The following NCKAP5 variants were observed in gnomAD, a reference collection of about 807,000 sequenced individuals.
The protein encoded by NCKAP5 is NCK associated protein 5.
A neutral mutation model predicts 167.0 loss-of-function variants in NCKAP5; 92 were observed. That is an observed-to-expected ratio of 0.55 (90% confidence interval 0.47 to 0.66). The LOEUF (loss-of-function observed/expected upper bound fraction) is 0.66, where lower values mean the gene tolerates loss of function less well. Ranked by LOEUF, NCKAP5 falls within the 30% of genes least tolerant of loss-of-function variation. The pLI, the probability that NCKAP5 is intolerant of heterozygous loss-of-function variation, is 0.00. For synonymous variants in NCKAP5, 891 were observed against 877.4 expected (o/e 1.02, Z -0.27); for missense variants, 2,378 against 2,315.0 (o/e 1.03, Z -0.56).
At chr2:133,535,270 A>G (rs547655516) in intron 2 of NCKAP5, among the ~76,000 whole-genome samples, 25 of 148,440 alleles carry the variant, frequency 1.7e-4, no homozygotes, top group Non-Finnish European at 1.5e-4. Context: ...TAATTTTTCA[A>G]CCCTCACCTT....
the NCKAP5 span, among the ~76,000 whole-genome samples, chr2:133,584,412 C>T: frequency 6.6e-6 from 1 of 152,150 alleles, no homozygotes; most frequent in Non-Finnish European, 1.5e-5. Flanking sequence ...CAAATCAGGG[C>T]ACATTTGTAT....
intron 3 of NCKAP5, among the ~76,000 whole-genome samples, chr2:133,452,412 A>T (rs931703905): frequency 6.6e-6 from 1 of 152,200 alleles, no homozygotes; most frequent in African/African-American, 2.4e-5. Context: ...CCAAGAAGGA[A>T]ATCCACTGAT....
At chr2:133,132,951 T>C (rs533810528) in intron 5 of NCKAP5, among the ~76,000 whole-genome samples, 44 of 152,238 alleles carry the variant, frequency 2.9e-4, no homozygotes, top group African/African-American at 1.0e-3. Flanking sequence ...GCTGGGATTA[T>C]AGGCGTTAGC....
At chr2:133,035,288 G>A (rs1309286743) in intron 6 of NCKAP5, among the ~76,000 whole-genome samples, 4 of 151,930 alleles carry the variant, frequency 2.6e-5, no homozygotes, top group African/African-American at 9.7e-5. Context: ...GCTAAAGAGA[G>A]GAATAGGCCC....
At chr2:133,489,270 C>T (rs896885222) in intron 3 of NCKAP5, among the ~76,000 whole-genome samples, 1 of 152,172 alleles carries the variant, frequency 6.6e-6, no homozygotes, top group Non-Finnish European at 1.5e-5. Context: ...ACAATGTCAG[C>T]CTTTTCTGCA....
chr2:133,529,719 A>C (rs1186791559), intron 2 of NCKAP5, among the ~76,000 whole-genome samples: 1 of 152,210 alleles, frequency 6.6e-6, no homozygotes, highest in Non-Finnish European at 1.5e-5. Context: ...CCAATCATAA[A>C]GCTTTTACAA....
chr2:133,214,922 C>T (rs557952354), intron 4 of NCKAP5, among the ~76,000 whole-genome samples: 1 of 152,302 alleles, frequency 6.6e-6, no homozygotes, highest in South Asian at 2.1e-4. Flanking sequence ...CTTCTTCTCT[C>T]CTAAGTGCTT....
chr2:132,811,579 G>T (rs563346442), intron 11 of NCKAP5, among the ~76,000 whole-genome samples: 3 of 152,208 alleles, frequency 2.0e-5, no homozygotes, highest in East Asian at 1.9e-4. Flanking sequence ...AAACCTAAGG[G>T]CCGGTCTCAC....
At position 132,731,829 on chromosome 2, in the gene NCKAP5, T is replaced by C. The variant is rs767396424; in HGVS notation, c.5351A>G (p.Asp1784Gly). 6.2e-7 allele frequency: 1 copy of C among 1,613,930 alleles called. No individual in the cohort carries two copies. Among genetic ancestry groups the C allele is most frequent in the Non-Finnish European group, 8.5e-7 (1 of 1,179,872 alleles). ...PSSTDGQRPA[D>G]SAIVHSTSDP... ...GGATGTGGAATGAACAATGGCGCTA[T>C]CTGCAGGGCGCTGGCCGTCTGTGGA... The change falls in exon 17 of 20, where the codon GAT (aspartate) becomes GGT (glycine). Residue 1784 changes from aspartate (D) to glycine (G), a missense_variant. Transcript: ENST00000409261.
At position 133,258,749 on chromosome 2, in the gene NCKAP5, T is replaced by A. The variant is rs926356729; in HGVS notation, c.143+44288A>T. 2.1e-4 allele frequency among the ~76,000 whole-genome samples: 30 copies of A among 140,494 alleles called. 1 individual carries two copies. Among genetic ancestry groups the A allele is most frequent in the Admixed American group, 6.4e-4 (9 of 14,032 alleles). The allele number at this position is 140,494 out of a possible 152,430, so 92.2% of individuals were successfully genotyped here. ...CAACAGAGCAAGATCCTGTCTCAAT[T>A]AAAAAAAAAAAAGAAGAAGAAGAGA... On this transcript the variant is annotated intron_variant, in intron 4 of 19. Coordinates refer to ENST00000409261, the MANE Select transcript of NCKAP5 (RefSeq NM_207363.3).
intron 6 of NCKAP5, among the ~76,000 whole-genome samples, chr2:133,126,470 A>G (rs2149782440): frequency 6.6e-6 from 1 of 152,282 alleles, no homozygotes; most frequent in African/African-American, 2.4e-5. Flanking sequence ...TTCCTATTTC[A>G]CTTGTGATCT....
At position 132,769,025 on chromosome 2, in the gene NCKAP5, C is replaced by T. The variant is rs573777554; in HGVS notation, c.5128+4791G>A. Among the ~76,000 whole-genome samples the T allele has an allele frequency of 1.2e-3, 187 of 150,154 alleles. 1 individual carries two copies. The highest frequency in any genetic ancestry group is 4.4e-3 in the African/African-American group (179 of 40,736). On this transcript the variant is annotated intron_variant, in intron 16 of 19. Coordinates refer to ENST00000409261, the MANE Select transcript of NCKAP5 (RefSeq NM_207363.3). The stretch of plus-strand genomic sequence containing the variant: ...AGTGGTGTGATCATGGCTTACTGCA[C>T]CCTGGACCTCCTAAGCTCAAGCAAT...
rs535895476 is a variant in NCKAP5 at position 133,361,729 on chromosome 2, C to A, written c.70-58619G>T. ...AAGACAATTGGGTTGTCATCCATTACAAGAGTCTACAGGACAGCCAAACTC... is the reference window on the plus strand; with the variant it reads ...AAGACAATTGGGTTGTCATCCATTAAAAGAGTCTACAGGACAGCCAAACTC... On this transcript the variant is annotated intron_variant, in intron 3 of 19. Coordinates refer to ENST00000409261, the MANE Select transcript of NCKAP5 (RefSeq NM_207363.3). Among the ~76,000 whole-genome samples, 9 of 152,276 alleles carry A rather than the reference C, an allele frequency of 5.9e-5. No individual in the cohort carries two copies. The South Asian group carries it at 1.9e-3, about 32-fold the overall frequency.
At chr2:133,611,131 A>T in the NCKAP5 span, among the ~76,000 whole-genome samples, 1 of 152,182 alleles carries the variant, frequency 6.6e-6, no homozygotes, top group East Asian at 1.9e-4. Context: ...GCCCGAAAAA[A>T]AAAGGCATTT....
intron 7 of NCKAP5, among the ~76,000 whole-genome samples, chr2:132,984,035 C>T (rs1309627022): frequency 2.6e-5 from 4 of 152,268 alleles, no homozygotes; most frequent in African/African-American, 9.6e-5. Context: ...GGCAGCAGGA[C>T]TGCTTCAGCC....
At chr2:133,190,010 T>C (rs2085138623) in intron 5 of NCKAP5, among the ~76,000 whole-genome samples, 1 of 152,178 alleles carries the variant, frequency 6.6e-6, no homozygotes, top group African/African-American at 2.4e-5. Flanking sequence ...GACATGATTG[T>C]ATATTTAGAA....
intron 6 of NCKAP5, among the ~76,000 whole-genome samples, chr2:133,064,783 T>G (rs1212724933): frequency 6.6e-6 from 1 of 152,212 alleles, no homozygotes; most frequent in Non-Finnish European, 1.5e-5. Flanking sequence ...AATAGACAGT[T>G]AATTTGCCAT....
intron 11 of NCKAP5, among the ~76,000 whole-genome samples, chr2:132,800,671 A>T (rs1390894788): frequency 2.0e-5 from 3 of 151,940 alleles, no homozygotes; most frequent in Non-Finnish European, 2.9e-5. Flanking sequence ...CTGCCCCTAG[A>T]TCCTGTTCAG....
chr2:133,595,628 G>C, the NCKAP5 span, among the ~76,000 whole-genome samples: 1 of 151,890 alleles, frequency 6.6e-6, no homozygotes, highest in African/African-American at 2.4e-5. Flanking sequence ...TACCCTGGGA[G>C]GGTTTCAAGC....
Sources: allele counts gnomAD v4.1 joint callset (sites outside exome capture counted in the v4.1 genomes callset), GRCh38; gene constraint gnomAD v4.1.1; transcripts MANE v1.5; gene names NCBI Gene and HGNC (gene_info 2026-07-23, HGNC 2026-07-21).